PALS1: variants seen among roughly 807,000 people sequenced by gnomAD.
The protein encoded by PALS1 is protein PALS1.
In PALS1, 31 loss-of-function variants were observed where a neutral mutation model predicts 78.9. That is an observed-to-expected ratio of 0.39 (90% CI 0.30 to 0.53). PALS1 has a LOEUF of 0.53. PALS1 is among the 20% of genes least tolerant of loss of function. PALS1 has a pLI of 0.67. For missense variants in PALS1, 704 were observed against 826.5 expected (o/e 0.85, Z 1.82); for synonymous variants, 276 against 270.9 (o/e 1.02, Z -0.18).
intron 3 of PALS1, 84 bp downstream of exon 3, chr14:67,279,621 T>A: frequency 7.9e-7 from 1 of 1,269,596 alleles, no homozygotes; most frequent in Non-Finnish European, 1.1e-6. Flanking sequence ...GAAGAGGGTT[T>A]AAGAGAATGT....
Position 67,302,122 on chromosome 14 carries a change from A to G in PALS1, c.801+4A>G. 6.3e-7 allele frequency: 1 copy of G among 1,598,070 alleles called. No individual in the cohort carries two copies. The highest frequency in any genetic ancestry group is 8.5e-7 in the Non-Finnish European group (1 of 1,173,468). On this transcript the variant is annotated splice_donor_region_variant and intron_variant, in intron 6 of 14. Transcript: ENST00000261681. ...AAAGGCTCGTGATATTCCGTTGGTA[A>G]GTGTCCCACATACTGTTTTTAAACA...
intron 13 of PALS1, among the ~76,000 whole-genome samples, chr14:67,323,261 G>GTGTGTGTGTGTATATATA (rs1429954753): frequency 4.0e-5 from 5 of 124,138 alleles, no homozygotes; most frequent in Non-Finnish European, 7.4e-5. Flanking sequence ...GTGTGTGTGT[G>GTGTGTGTGTGTATATATA]TATATATATA....
intron 1 of PALS1, among the ~76,000 whole-genome samples, chr14:67,243,705 C>T (rs1451846145): frequency 6.6e-6 from 1 of 150,908 alleles, no homozygotes; most frequent in Admixed American, 6.6e-5. Flanking sequence ...ACCGTGTTAG[C>T]CAGGATGATC....
chr14:67,253,130 G>GACAATGA (rs1208371067), intron 1 of PALS1, among the ~76,000 whole-genome samples: 8 of 152,208 alleles, frequency 5.3e-5, no homozygotes, highest in Non-Finnish European at 1.2e-4. Context: ...ACTTGTGTGT[G>GACAATGA]ACAATGAACA....
intron 2 of PALS1, among the ~76,000 whole-genome samples, chr14:67,273,408 T>C (rs796356264): frequency 2.3e-4 from 35 of 152,298 alleles, no homozygotes; most frequent in African/African-American, 7.9e-4. Context: ...TTGCTCAGAA[T>C]GATGGTTTCC....
chr14:67,277,393 T>A (rs894762231), intron 2 of PALS1, among the ~76,000 whole-genome samples: 2 of 152,176 alleles, frequency 1.3e-5, no homozygotes, highest in African/African-American at 4.8e-5. Flanking sequence ...ATAGCCTAGT[T>A]GGGTTTGTAT....
rs1034225975 is a variant in PALS1 at position 67,317,452 on chromosome 14, G to T, written c.1342G>T (p.Val448Phe). The T allele has an allele frequency of 1.9e-6, 3 of 1,611,262 alleles. No individual in the cohort carries two copies. The highest frequency in any genetic ancestry group is 1.7e-5 in the Admixed American group (1 of 59,848). Residue 448 changes from valine (V) to phenylalanine (F), a missense_variant, in exon 11 of 15, where the codon GTT (valine) becomes TTT (phenylalanine). Coordinates refer to ENST00000261681, the MANE Select transcript of PALS1 (RefSeq NM_022474.4). ...GAAGAATAAAAAGAAGAGGAAAAAG[G>T]TTTTATATAATGCCAATAAAAATGA... ...AKKNKKKRKK[V>F]LYNANKNDDY...
At chr14:67,320,206 G>T in intron 11 of PALS1, 24 bp from the exon 12 acceptor site, 1 of 1,597,318 alleles carries the variant, frequency 6.3e-7, no homozygotes, top group South Asian at 1.1e-5. Flanking sequence ...TTTGTTTGAA[G>T]AGCTTAACTT....
At chr14:67,281,889 C>T (rs1183486156) in intron 3 of PALS1, among the ~76,000 whole-genome samples, 1 of 151,796 alleles carries the variant, frequency 6.6e-6, no homozygotes, top group Non-Finnish European at 1.5e-5. Context: ...TAAAGGATAC[C>T]TCTATTCCAA....
chr14:67,293,187 T>A (rs1040175696), intron 4 of PALS1, among the ~76,000 whole-genome samples: 21 of 152,162 alleles, frequency 1.4e-4, no homozygotes, highest in Non-Finnish European at 5.9e-5. Flanking sequence ...TAAATCTTAA[T>A]ATACTATGGG....
In PALS1 at chr14:67,332,812, A is replaced by G. The variant is rs370360342; in HGVS notation, c.1884A>G (p.Thr628=). 3 of 1,613,492 alleles carry G rather than the reference A, an allele frequency of 1.9e-6. No individual in the cohort carries two copies. The highest frequency in any genetic ancestry group is 2.7e-5 in the African/African-American group (2 of 75,028). Residue 628 remains threonine, a synonymous_variant, in exon 15 of 15, where the codon ACA becomes ACG. Transcript: ENST00000261681. ...AGTTGAGAGAAATCATTGAGAAGACAAGAGAGATGGAGCAGAACAATGGCC... is the reference window on the plus strand; with the variant it reads ...AGTTGAGAGAAATCATTGAGAAGACGAGAGAGATGGAGCAGAACAATGGCC... The part of the protein sequence containing the change: ...PEELREIIEK[T]REMEQNNGHY...
At chr14:67,293,707 T>C (rs747654896) in intron 4 of PALS1, among the ~76,000 whole-genome samples, 2 of 152,148 alleles carry the variant, frequency 1.3e-5, no homozygotes, top group African/African-American at 2.4e-5. Flanking sequence ...AAAAGACGAG[T>C]ACCAATATAT....
chr14:67,253,079 T>C (rs1327290968), intron 1 of PALS1, among the ~76,000 whole-genome samples: 1 of 152,240 alleles, frequency 6.6e-6, no homozygotes, highest in East Asian at 1.9e-4. Context: ...ACAGTACTTT[T>C]ACAGATTATA....
At chr14:67,323,261 G>GTGTGTGTATATA (rs1429954753) in intron 13 of PALS1, among the ~76,000 whole-genome samples, 2 of 124,190 alleles carry the variant, frequency 1.6e-5, no homozygotes, top group African/African-American at 2.7e-5. Context: ...GTGTGTGTGT[G>GTGTGTGTATATA]TATATATATA....
At chr14:67,325,979 CTTTTT>C (rs61592505) in intron 14 of PALS1, among the ~76,000 whole-genome samples, 8 of 110,220 alleles carry the variant, frequency 7.3e-5, no homozygotes, top group African/African-American at 3.1e-4. Flanking sequence ...CGGCTCTTTT[CTTTTT>C]TTTTTTTTTT....
intron 1 of PALS1, among the ~76,000 whole-genome samples, chr14:67,269,323 T>A (rs1315696836): frequency 6.6e-6 from 1 of 151,936 alleles, no homozygotes; most frequent in Non-Finnish European, 1.5e-5. Flanking sequence ...CTATGAATAT[T>A]TTTGTACAAG....
At chr14:67,275,156 G>A (rs2084481259) in intron 2 of PALS1, among the ~76,000 whole-genome samples, 2 of 152,170 alleles carry the variant, frequency 1.3e-5, no homozygotes, top group African/African-American at 4.8e-5. Flanking sequence ...CCAACACTGT[G>A]TTGAATAGGA....
chr14:67,285,462 G>A (rs1356512774), intron 3 of PALS1, among the ~76,000 whole-genome samples: 2 of 150,462 alleles, frequency 1.3e-5, no homozygotes, highest in Non-Finnish European at 2.9e-5. Flanking sequence ...CACCTCCCAG[G>A]TTCACACCAT....
Position 67,320,214 on chromosome 14 carries a change from CTT to C in PALS1, c.1370-9_1370-8del. The C allele has an allele frequency of 6.3e-7, 1 of 1,597,960 alleles. No individual in the cohort carries two copies. Among genetic ancestry groups the C allele is most frequent in the Non-Finnish European group, 8.5e-7 (1 of 1,174,394 alleles). ...CCATAATTTTGTTTGAAGAGCTTAACTTTTTTTTCCCAAAGATTATGACAACG... is the reference window on the plus strand; with the variant it reads ...CCATAATTTTGTTTGAAGAGCTTAACTTTTTTCCCAAAGATTATGACAACG... On this transcript the variant is annotated splice_polypyrimidine_tract_variant and intron_variant, in intron 11 of 14. Coordinates refer to ENST00000261681, the MANE Select transcript of PALS1 (RefSeq NM_022474.4).
Sources: allele counts gnomAD v4.1 joint callset (sites outside exome capture counted in the v4.1 genomes callset), GRCh38; gene constraint gnomAD v4.1.1; transcripts MANE v1.5; gene names NCBI Gene and HGNC (gene_info 2026-07-23, HGNC 2026-07-21).